The following PCDH19 variants were observed in gnomAD, a reference collection of about 807,000 sequenced individuals.
The protein encoded by PCDH19 is protocadherin 19.
In PCDH19, 6 loss-of-function variants were observed where a neutral mutation model predicts 46.2. The ratio of observed to expected loss-of-function variants is 0.13; its 90% confidence interval spans 0.07 to 0.26. The LOEUF is 0.26. Ranked by LOEUF, PCDH19 falls within the 10% of genes least tolerant of loss-of-function variation. The pLI, the probability that PCDH19 is intolerant of heterozygous loss-of-function variation, is 1.00. For synonymous variants in PCDH19, 481 were observed against 415.7 expected (o/e 1.16, Z -1.91); for missense variants, 740 against 972.3 (o/e 0.76, Z 3.18).
chrX:100,372,008 G>A (rs963893501), intron 3 of PCDH19, among the ~76,000 whole-genome samples: 7 of 111,796 alleles, frequency 6.3e-5, no homozygotes, highest in Non-Finnish European at 1.1e-4. Context: ...ATGCCAAGGC[G>A]GATGGATCAC....
At chrX:100,395,411 G>A (rs1264013589) in intron 3 of PCDH19, among the ~76,000 whole-genome samples, 8 of 112,151 alleles carry the variant, frequency 7.1e-5, no homozygotes, top group Non-Finnish European at 1.3e-4. Flanking sequence ...AACTACCATC[G>A]AAAGTATACC....
intron 3 of PCDH19, among the ~76,000 whole-genome samples, chrX:100,392,177 C>T (rs1727376380): frequency 8.9e-6 from 1 of 112,206 alleles, no homozygotes. Flanking sequence ...TAAGGTTTTG[C>T]TCCATCAGGC....
chrX:100,300,913 CAAAA>C (rs373692507), intron 5 of PCDH19, among the ~76,000 whole-genome samples: 2 of 83,321 alleles, frequency 2.4e-5, no homozygotes, highest in Non-Finnish European at 4.5e-5. Context: ...AACCCCTGGC[CAAAA>C]AAAAAAAAAA....
At chrX:100,404,185 C>G (rs1285739874) in intron 1 of PCDH19, among the ~76,000 whole-genome samples, 1 of 111,520 alleles carries the variant, frequency 9.0e-6, no homozygotes, top group Non-Finnish European at 1.9e-5. Flanking sequence ...AAAGTCTGAG[C>G]AGATAGGGAG....
intron 3 of PCDH19, among the ~76,000 whole-genome samples, chrX:100,393,521 C>T (rs1303553061): frequency 9.2e-6 from 1 of 108,892 alleles, no homozygotes; most frequent in African/African-American, 3.4e-5. Context: ...CACACACACA[C>T]ACACACACAC....
intron 3 of PCDH19, among the ~76,000 whole-genome samples, chrX:100,377,725 G>A (rs1187328131): frequency 1.8e-5 from 2 of 111,763 alleles, no homozygotes; most frequent in African/African-American, 3.3e-5. Flanking sequence ...TCGATACTAC[G>A]CAGCACTGAA....
chrX:100,401,273 C>T (rs190856610), intron 3 of PCDH19, among the ~76,000 whole-genome samples: 9 of 111,919 alleles, frequency 8.0e-5, no homozygotes, highest in African/African-American at 2.9e-4. Flanking sequence ...TCCCAGCCAC[C>T]CACCAGCCAT....
chrX:100,293,687 T>A lies in PCDH19; in HGVS notation c.*2590A>T, dbSNP rs757472605. On this transcript the variant is annotated 3_prime_UTR_variant, in exon 6 of 6. Transcript: ENST00000373034. ...AAAAATATTTCCTTAATGAGAGGAA[T>A]TCTCTGAACATGCTCAGTGAGGTTT... 4 of 111,281 alleles carry A rather than the reference T, an allele frequency of 3.6e-5. No homozygotes were observed. Among genetic ancestry groups the A allele is most frequent in the African/African-American group, 1.3e-4 (4 of 30,636 alleles). 9.2% of individuals were successfully genotyped at this position (111,281 alleles called of 1,213,427 possible).
chrX:100,360,541 G>A (rs1926850821), intron 3 of PCDH19, among the ~76,000 whole-genome samples: 1 of 112,225 alleles, frequency 8.9e-6, no homozygotes, highest in Admixed American at 9.4e-5. Flanking sequence ...TGTACACACA[G>A]CATTCACTTA....
rs936255049 is a variant in PCDH19, at chrX:100,363,080, C to T, written c.2617-12376G>A. Among the ~76,000 whole-genome samples the T allele has an allele frequency of 2.7e-5, 3 of 110,921 alleles. No individual in the cohort carries two copies. The East Asian group carries it at 8.6e-4, about 32-fold the overall frequency. On this transcript the variant is annotated intron_variant, in intron 3 of 5. Transcript: ENST00000373034. Reference sequence around the variant, plus strand: ...TAGCACTTTGGGAGGCCAAGGTGGACGGATCACCTGACGTCAGGAGTTTGA... The same window carrying T: ...TAGCACTTTGGGAGGCCAAGGTGGATGGATCACCTGACGTCAGGAGTTTGA...
rs1928469300 is a variant in PCDH19 at position 100,408,322 on chromosome X, C to T, written c.276G>A (p.Leu92=). 3.3e-6 allele frequency: 4 copies of T among 1,211,236 alleles called. No homozygotes were observed. In the East Asian group the frequency reaches 1.2e-4, roughly 36 times the overall value. The change falls in exon 1 of 6, where the codon CTG becomes CTA. Residue 92 remains leucine, a synonymous_variant. Coordinates refer to ENST00000373034, the MANE Select transcript of PCDH19 (RefSeq NM_001184880.2). The part of the protein sequence containing the change: ...VTKQKIDRDL[L]CRQSPKCIIS... Reference sequence around the variant, plus strand: ...TGATGCACTTGGGGCTCTGGCGGCACAGCAGATCACGGTCAATCTTCTGCT... The same window carrying T: ...TGATGCACTTGGGGCTCTGGCGGCATAGCAGATCACGGTCAATCTTCTGCT...
intron 5 of PCDH19, among the ~76,000 whole-genome samples, chrX:100,305,414 A>G (rs1050898827): frequency 4.5e-5 from 5 of 112,102 alleles, no homozygotes; most frequent in African/African-American, 1.6e-4. Flanking sequence ...TGAACTGCTA[A>G]AAAGAGCTCT....
At chrX:100,386,040 C>T (rs1927706696) in intron 3 of PCDH19, among the ~76,000 whole-genome samples, 1 of 112,147 alleles carries the variant, frequency 8.9e-6, no homozygotes, top group Non-Finnish European at 1.9e-5. Flanking sequence ...TTAGTCATGA[C>T]ATTAATATAT....
chrX:100,366,103 A>G (rs1012749891), intron 3 of PCDH19, among the ~76,000 whole-genome samples: 5 of 112,047 alleles, frequency 4.5e-5, no homozygotes, highest in African/African-American at 1.6e-4. Context: ...GATCCAGAGA[A>G]TATTGAATGA....
chrX:100,325,632 T>G (rs1925672107), intron 5 of PCDH19, among the ~76,000 whole-genome samples: 5 of 112,081 alleles, frequency 4.5e-5, no homozygotes. Context: ...CCTCCCAAAG[T>G]GCTGGGATTA....
intron 4 of PCDH19, among the ~76,000 whole-genome samples, chrX:100,346,235 T>A (rs1483959075): frequency 8.9e-6 from 1 of 112,011 alleles, no homozygotes; most frequent in Non-Finnish European, 1.9e-5. Flanking sequence ...ATATTTACCA[T>A]CTGAAATATT....
At position 100,408,746 on chromosome X, in the gene PCDH19, C is replaced by A; in HGVS notation, c.-149G>T. ...GGGAGAAGTCCCGCCCAGGGCGGCC[C>A]GGCGGCGCGCGGGGGACACCCGCGG... On this transcript the variant is annotated 5_prime_UTR_variant, in exon 1 of 6. Coordinates refer to ENST00000373034, the MANE Select transcript of PCDH19 (RefSeq NM_001184880.2). The A allele has an allele frequency of 3.3e-6, 1 of 305,564 alleles. No homozygotes were observed. Among genetic ancestry groups the A allele is most frequent in the East Asian group, 6.3e-5 (1 of 15,787 alleles). The allele number at this position is 305,564 out of a possible 1,213,427, so 25.2% of individuals were successfully genotyped here.
chrX:100,390,937 G>A (rs761510571), intron 3 of PCDH19, among the ~76,000 whole-genome samples: 2 of 111,910 alleles, frequency 1.8e-5, no homozygotes, highest in South Asian at 7.5e-4. Context: ...GAAATATATT[G>A]TTAAGCATGA....
rs2147442239 is a variant in PCDH19, at chrX:100,293,229, T to G, written c.*3048A>C. On this transcript the variant is annotated 3_prime_UTR_variant, in exon 6 of 6. Transcript: ENST00000373034. ...GATCAGTGGATCACTAAGCGAACAA[T>G]TTTGTCTAAATGAACACCTTAGGTG... is the stretch of plus-strand genomic sequence containing the variant. 8.9e-6 allele frequency: 1 copy of G among 112,153 alleles called. No individual in the cohort carries two copies. The allele number at this position is 112,153 out of a possible 1,213,427, so 9.2% of individuals were successfully genotyped here.
Sources: allele counts gnomAD v4.1 joint callset (sites outside exome capture counted in the v4.1 genomes callset), GRCh38; gene constraint gnomAD v4.1.1; transcripts MANE v1.5; gene names NCBI Gene and HGNC (gene_info 2026-07-23, HGNC 2026-07-21).